AGBL4: variants seen among roughly 807,000 people sequenced by gnomAD.
The protein encoded by AGBL4 is cytosolic carboxypeptidase 6.
AGBL4 carries 58 observed loss-of-function variants against 66.4 expected under a neutral mutation model. The observed-to-expected ratio is 0.87, with a 90% CI of 0.71 to 1.09. The LOEUF is 1.09. Among genes scored for constraint, AGBL4 ranks in the 50% least tolerant of loss-of-function variants. AGBL4 has a pLI of 0.00. For synonymous variants in AGBL4, 234 were observed against 222.9 expected, an observed-to-expected ratio of 1.05 and a Z score of -0.44; for missense variants, 579 against 631.0, an observed-to-expected ratio of 0.92 and a Z score of 0.88.
At chr1:49,377,893 G>C (rs991988477) in intron 3 of AGBL4, among the ~76,000 whole-genome samples, 4 of 152,182 alleles carry the variant, frequency 2.6e-5, no homozygotes, top group African/African-American at 7.2e-5. Flanking sequence ...ACCCTGAAAA[G>C]ACAGTCTGAA....
At position 49,599,662 on chromosome 1, in the gene AGBL4, ATTTG is replaced by A. The variant is rs1480832398; in HGVS notation, c.282+97647_282+97650del. 4.6e-5 allele frequency among the ~76,000 whole-genome samples: 7 copies of A among 151,926 alleles called. No individual in the cohort carries two copies. In the South Asian group the frequency reaches 6.2e-4, roughly 14 times the overall value. ...TTTCTTGTCTTCTGCTAGGTTTTGA[ATTTG>A]TTTGTTCTTGCTTCTCTAGTTCTTT... On this transcript the variant is annotated intron_variant, in intron 3 of 13. Transcript: ENST00000371839.
intron 1 of AGBL4, among the ~76,000 whole-genome samples, chr1:49,941,218 G>C (rs1654727228): frequency 6.6e-6 from 1 of 152,106 alleles, no homozygotes; most frequent in Non-Finnish European, 1.5e-5. Flanking sequence ...GAAAAGTATA[G>C]AACCAGATTA....
At chr1:49,212,673 ACTCTCTCAGAT>A (rs1366450689) in intron 4 of AGBL4, among the ~76,000 whole-genome samples, 1 of 152,062 alleles carries the variant, frequency 6.6e-6, no homozygotes, top group Non-Finnish European at 1.5e-5. Flanking sequence ...AGTCTGCAAT[ACTCTCTCAGAT>A]CACTGATGAC....
intron 6 of AGBL4, among the ~76,000 whole-genome samples, chr1:48,684,356 G>A (rs1286685110): frequency 6.6e-6 from 1 of 152,206 alleles, no homozygotes; most frequent in East Asian, 1.9e-4. Flanking sequence ...CAAAGCAGAA[G>A]CAGAGAGAAT....
chr1:49,492,389 A>C (rs1264637934), intron 3 of AGBL4, among the ~76,000 whole-genome samples: 3 of 151,908 alleles, frequency 2.0e-5, no homozygotes, highest in Admixed American at 2.0e-4. Flanking sequence ...TTTAAAACTT[A>C]TGAATTGTTT....
chr1:49,251,304 C>A (rs1652041148), intron 3 of AGBL4, among the ~76,000 whole-genome samples: 1 of 152,174 alleles, frequency 6.6e-6, no homozygotes, highest in African/African-American at 2.4e-5. Context: ...TGGTGTGTGT[C>A]TGCATGGGTG....
At chr1:49,012,072 C>T (rs893690014) in intron 5 of AGBL4, among the ~76,000 whole-genome samples, 3 of 151,534 alleles carry the variant, frequency 2.0e-5, no homozygotes, top group African/African-American at 7.3e-5. Flanking sequence ...AAAAGGAACT[C>T]CCCCACCCCC....
chr1:49,929,140 G>T (rs1481198097), intron 1 of AGBL4, among the ~76,000 whole-genome samples: 1 of 152,030 alleles, frequency 6.6e-6, no homozygotes, highest in East Asian at 1.9e-4. Flanking sequence ...ATAAAGATGG[G>T]AATGATAGAC....
chr1:49,769,840 C>A (rs1478846663), intron 2 of AGBL4, among the ~76,000 whole-genome samples: 1 of 152,074 alleles, frequency 6.6e-6, no homozygotes, highest in Non-Finnish European at 1.5e-5. Flanking sequence ...AACGTAAGAC[C>A]TCAAACTATA....
Position 49,948,196 on chromosome 1 carries a change from ATAAATATAAATATATAAAT to A in AGBL4, c.34+75548_34+75566del, listed in dbSNP as rs1289773444. ...TATATATAACTATATATAAATATAT[ATAAATATAAATATATAAAT>A]ATATATAAATATATATAAATATATA... is the stretch of plus-strand genomic sequence containing the variant. On this transcript the variant is annotated intron_variant, in intron 1 of 13. Transcript: ENST00000371839. Among the ~76,000 whole-genome samples, 83 of 96,174 alleles carry A rather than the reference ATAAATATAAATATATAAAT, an allele frequency of 8.6e-4. 1 individual carries two copies. Among genetic ancestry groups the A allele is most frequent in the Admixed American group, 2.2e-3 (13 of 5,952 alleles). 63.1% of individuals were successfully genotyped at this position (96,174 alleles called of 152,430 possible).
chr1:49,989,972 A>C (rs921166111), intron 1 of AGBL4, among the ~76,000 whole-genome samples: 3 of 152,208 alleles, frequency 2.0e-5, no homozygotes, highest in Non-Finnish European at 1.5e-5. Flanking sequence ...TCTTTCCAGA[A>C]AGGGTAAACA....
intron 1 of AGBL4, among the ~76,000 whole-genome samples, chr1:50,016,470 G>T (rs781684260): frequency 2.0e-5 from 3 of 152,150 alleles, no homozygotes; most frequent in Non-Finnish European, 4.4e-5. Context: ...GCTGAGGCAG[G>T]ACAATCACTT....
intron 3 of AGBL4, among the ~76,000 whole-genome samples, chr1:49,334,921 T>G (rs896557564): frequency 6.6e-6 from 1 of 152,222 alleles, no homozygotes; most frequent in Non-Finnish European, 1.5e-5. Flanking sequence ...AATTCCAGTT[T>G]GAAGCTAGGG....
chr1:49,790,932 T>G (rs947756941), intron 2 of AGBL4, among the ~76,000 whole-genome samples: 1 of 152,222 alleles, frequency 6.6e-6, no homozygotes, highest in Non-Finnish European at 1.5e-5. Flanking sequence ...AGCTAAAATA[T>G]TGACATTGTA....
chr1:49,980,147 G>C (rs1357942144), intron 1 of AGBL4, among the ~76,000 whole-genome samples: 1 of 151,960 alleles, frequency 6.6e-6, no homozygotes, highest in Non-Finnish European at 1.5e-5. Flanking sequence ...GTTTTGGGGG[G>C]GTCTAAAGTT....
intron 6 of AGBL4, among the ~76,000 whole-genome samples, chr1:48,724,008 G>T (rs1647191235): frequency 6.6e-6 from 1 of 152,226 alleles, no homozygotes; most frequent in Non-Finnish European, 1.5e-5. Context: ...CATGTATGGA[G>T]AACTATGGGA....
At chr1:49,422,026 A>G (rs1191464185) in intron 3 of AGBL4, among the ~76,000 whole-genome samples, 2 of 152,138 alleles carry the variant, frequency 1.3e-5, no homozygotes, top group South Asian at 2.1e-4. Context: ...TCTGAGCCAA[A>G]AACTTTATTT....
chr1:48,764,618 C>T (rs565944506), intron 6 of AGBL4, among the ~76,000 whole-genome samples: 8 of 152,300 alleles, frequency 5.3e-5, no homozygotes, highest in African/African-American at 1.4e-4. Context: ...TTAAGAAGAG[C>T]TGAGGCTCAG....
intron 2 of AGBL4, among the ~76,000 whole-genome samples, chr1:49,788,371 T>C (rs1644512742): frequency 6.6e-6 from 1 of 151,282 alleles, no homozygotes; most frequent in African/African-American, 2.4e-5. Flanking sequence ...AAAAAACATC[T>C]ACAATGTCCA....
Sources: gnomAD v4.1 joint callset for allele counts (sites outside exome capture counted in the v4.1 genomes callset) on GRCh38, gnomAD v4.1.1 for gene constraint, MANE v1.5 for transcripts, NCBI Gene and HGNC (gene_info 2026-07-23, HGNC 2026-07-21) for gene names.